The following SLC4A7 variants were observed in gnomAD, a reference collection of about 807,000 sequenced individuals.
SLC4A7 encodes the protein solute carrier family 4 member 7.
A neutral mutation model predicts 137.6 loss-of-function variants in SLC4A7; 51 were observed. The observed-to-expected ratio is 0.37, with a 90% CI of 0.30 to 0.47. The LOEUF is 0.47. Among genes scored for constraint, SLC4A7 ranks in the 20% least tolerant of loss-of-function variants. The pLI is 1.00. For synonymous variants in SLC4A7, 542 were observed against 518.6 expected, an observed-to-expected ratio of 1.05 and a Z score of -0.61; for missense variants, 1,247 against 1,525.4, an observed-to-expected ratio of 0.82 and a Z score of 3.04.
chr3:27,381,804 G>C (rs572964403), intron 24 of SLC4A7, among the ~76,000 whole-genome samples: 109 of 152,294 alleles, frequency 7.2e-4, no homozygotes, highest in African/African-American at 2.5e-3. Context: ...GAAATAGGAG[G>C]GCCAGGCACA....
At chr3:27,480,367 G>A (rs2059656630) in intron 1 of SLC4A7, among the ~76,000 whole-genome samples, 1 of 152,116 alleles carries the variant, frequency 6.6e-6, no homozygotes, top group African/African-American at 2.4e-5. Context: ...CCAAGTAGCT[G>A]GGACTACAGG....
At chr3:27,419,682 T>A (rs952457305) in intron 10 of SLC4A7, among the ~76,000 whole-genome samples, 2 of 151,932 alleles carry the variant, frequency 1.3e-5, no homozygotes, top group East Asian at 4.0e-4. Context: ...GTCATTAATA[T>A]CTTTGGACTA....
chr3:27,442,666 C>T (rs944475637), intron 3 of SLC4A7, among the ~76,000 whole-genome samples: 1 of 152,162 alleles, frequency 6.6e-6, no homozygotes, highest in Admixed American at 6.5e-5. Context: ...CCATCTTCGC[C>T]TCCCAAAGTG....
At chr3:27,426,390 C>T (rs768134333) in intron 7 of SLC4A7, among the ~76,000 whole-genome samples, 1 of 152,166 alleles carries the variant, frequency 6.6e-6, no homozygotes, top group Non-Finnish European at 1.5e-5. Context: ...AAAAAGTTAA[C>T]CAGTGTTTTT....
intron 14 of SLC4A7, among the ~76,000 whole-genome samples, chr3:27,403,885 T>C (rs2053058452): frequency 6.6e-6 from 1 of 152,192 alleles, no homozygotes; most frequent in Non-Finnish European, 1.5e-5. Context: ...ATTTTAAACT[T>C]CAAGAAATTA....
intron 12 of SLC4A7, among the ~76,000 whole-genome samples, chr3:27,410,752 G>T (rs1255618589): frequency 6.6e-6 from 1 of 152,124 alleles, no homozygotes; most frequent in South Asian, 2.1e-4. Context: ...TAATACAACA[G>T]TACTGTTCAC....
chr3:27,402,640 A>G (rs1016973254), intron 15 of SLC4A7, among the ~76,000 whole-genome samples: 1 of 152,044 alleles, frequency 6.6e-6, no homozygotes, highest in Non-Finnish European at 1.5e-5. Flanking sequence ...CAGAGGCTGC[A>G]GTTAGCTGAG....
In SLC4A7 at chr3:27,450,202, TG is replaced by T. The variant is rs2057975063; in HGVS notation, c.143-1406del. Among the ~76,000 whole-genome samples, 5 of 152,320 alleles carry T rather than the reference TG, an allele frequency of 3.3e-5. No individual in the cohort carries two copies. In the South Asian group the frequency reaches 1.0e-3, roughly 32 times the overall value. ...ACTTAACAAAACATACTGAACTATT[TG>T]TTTAAACTTCTCCCAGTACTCAGCC... On this transcript the variant is annotated intron_variant, in intron 2 of 25. Coordinates refer to ENST00000454389, the MANE Select transcript of SLC4A7 (RefSeq NM_001321103.2).
rs759151503 is a variant in SLC4A7, at chr3:27,448,770, T to G, written c.170A>C (p.His57Pro). 2.7e-5 allele frequency: 44 copies of G among 1,613,168 alleles called. No homozygotes were observed. The highest frequency in any genetic ancestry group is 3.6e-5 in the Non-Finnish European group (43 of 1,179,554). Residue 57 changes from histidine to proline, a missense_variant, in exon 3 of 26, where the codon CAC becomes CCC. Coordinates refer to ENST00000454389, the MANE Select transcript of SLC4A7 (RefSeq NM_001321103.2). ...ACGACTCTCTTTACTAAACGGGACG[T>G]GAACACCAATATATACAGCTCTATG... is the stretch of plus-strand genomic sequence containing the variant. Reference protein sequence around the residue: ...ESHRAVYIGVHVPFSKESRRR... With the variant: ...ESHRAVYIGVPVPFSKESRRR...
At chr3:27,445,004 T>C (rs1024613841) in intron 3 of SLC4A7, among the ~76,000 whole-genome samples, 4 of 152,238 alleles carry the variant, frequency 2.6e-5, no homozygotes, top group Admixed American at 6.5e-5. Context: ...GCAGTCTTTG[T>C]TGTAAAACTA....
chr3:27,454,327 G>A (rs1421353079), intron 1 of SLC4A7, among the ~76,000 whole-genome samples: 9 of 152,058 alleles, frequency 5.9e-5, no homozygotes, highest in South Asian at 2.1e-4. Context: ...TTAGCTGGGC[G>A]TGGTAGCGGG....
intron 13 of SLC4A7, among the ~76,000 whole-genome samples, chr3:27,407,858 T>A (rs2053535377): frequency 6.6e-6 from 1 of 152,138 alleles, no homozygotes; most frequent in Admixed American, 6.5e-5. Flanking sequence ...TCTATTCTAT[T>A]TCAACCTTCA....
At chr3:27,402,005 G>A (rs922743104) in intron 15 of SLC4A7, among the ~76,000 whole-genome samples, 19 of 152,108 alleles carry the variant, frequency 1.2e-4, no homozygotes, top group Admixed American at 5.2e-4. Context: ...TATTCTGTCC[G>A]TCAAAGTTGA....
chr3:27,394,792 ATATCTG>A (rs1265633218), intron 19 of SLC4A7, 23 bp from the exon 20 acceptor site: 1 of 1,610,258 alleles, frequency 6.2e-7, no homozygotes, highest in South Asian at 1.1e-5. Flanking sequence ...ATGAACATAA[ATATCTG>A]TAAGTCTAAA....
At chr3:27,447,510 A>G (rs897100155) in intron 3 of SLC4A7, among the ~76,000 whole-genome samples, 1 of 152,158 alleles carries the variant, frequency 6.6e-6, no homozygotes, top group African/African-American at 2.4e-5. Flanking sequence ...GATGTGGCTC[A>G]CATAGCACAT....
At position 27,376,756 on chromosome 3, in the gene SLC4A7, GT is replaced by G. The variant is rs1373733989; in HGVS notation, c.*7del. The G allele has an allele frequency of 6.4e-6, 10 of 1,559,666 alleles. No homozygotes were observed. In the African/African-American group the frequency reaches 1.4e-4, roughly 21 times the overall value. ...ATATCTATATGTATAATGCCTCTTG[GT>G]TCAATTCTATAATGAAGTTTCAGCA... On this transcript the variant is annotated 3_prime_UTR_variant, in exon 26 of 26. Coordinates refer to ENST00000454389, the MANE Select transcript of SLC4A7 (RefSeq NM_001321103.2).
chr3:27,452,598 T>C (rs949476150), intron 1 of SLC4A7, 100 bp from the exon 2 acceptor site: 7 of 620,754 alleles, frequency 1.1e-5, no homozygotes, highest in Admixed American at 1.1e-4. Context: ...AACAGACTGC[T>C]TTCTCTCAAA....
chr3:27,474,861 C>A (rs1222513630), intron 1 of SLC4A7, among the ~76,000 whole-genome samples: 2 of 152,086 alleles, frequency 1.3e-5, no homozygotes, highest in Non-Finnish European at 2.9e-5. Flanking sequence ...GTGGCTCACA[C>A]ATATAATCCC....
At chr3:27,475,702 G>A (rs912594744) in intron 1 of SLC4A7, among the ~76,000 whole-genome samples, 9 of 152,216 alleles carry the variant, frequency 5.9e-5, no homozygotes, top group South Asian at 2.1e-4. Flanking sequence ...ATCTTATCCC[G>A]AGGATACTGC....
Sources: allele counts gnomAD v4.1 joint callset (sites outside exome capture counted in the v4.1 genomes callset), GRCh38; gene constraint gnomAD v4.1.1; transcripts MANE v1.5; gene names NCBI Gene and HGNC (gene_info 2026-07-23, HGNC 2026-07-21).